MUC17: variants seen among roughly 807,000 people sequenced by gnomAD.
MUC17 encodes the protein mucin 17, cell surface associated, also known as mucin-17.
A neutral mutation model predicts 170.3 loss-of-function variants in MUC17; 190 were observed. That is an observed-to-expected ratio of 1.12 (90% confidence interval 0.99 to 1.26). The LOEUF (loss-of-function observed/expected upper bound fraction) is 1.26. MUC17 is among the 50% of genes most tolerant of loss of function. The pLI, the probability that MUC17 is intolerant of heterozygous loss-of-function variation, is 0.00. For missense variants in MUC17, 6,415 were observed against 5,530.0 expected (o/e 1.16, Z -5.08); for synonymous variants, 2,325 against 2,002.5 (o/e 1.16, Z -4.30).
chr7:101,021,866 G>T (rs1207904951), intron 1 of MUC17, among the ~76,000 whole-genome samples: 1 of 152,212 alleles, frequency 6.6e-6, no homozygotes, highest in African/African-American at 2.4e-5. Flanking sequence ...TGGGTCTAGA[G>T]AGAGAGCTGC....
At chr7:101,044,131 G>C (rs1160017700) in intron 3 of MUC17, among the ~76,000 whole-genome samples, 1 of 152,118 alleles carries the variant, frequency 6.6e-6, no homozygotes, top group African/African-American at 2.4e-5. Context: ...CAGAATGATG[G>C]TTTCCAGCTT....
intron 9 of MUC17, 103 bp downstream of exon 9, chr7:101,052,065 A>T: frequency 7.3e-7 from 1 of 1,368,678 alleles, no homozygotes; most frequent in African/African-American, 1.4e-5. Flanking sequence ...AGGTCATGGG[A>T]CTAGGTCCCA....
rs763708617 is a variant in MUC17 at position 101,037,529 on chromosome 7, C to T, written c.6113C>T (p.Thr2038Ile). The change falls in exon 3 of 13, where the codon ACT (threonine) becomes ATT (isoleucine). Residue 2038 changes from threonine (T) to isoleucine (I), a missense_variant. Transcript: ENST00000306151. ...TAGGTSIQTSTPSERTTPLAG... is the reference protein window; with the variant it reads ...TAGGTSIQTSIPSERTTPLAG... ...GGAGGTACCAGCATACAAACCTCAA[C>T]TCCTAGTGAACGGACCACTCCATTA... 5.0e-6 allele frequency: 8 copies of T among 1,613,872 alleles called. No homozygotes were observed. The highest frequency in any genetic ancestry group is 2.2e-5 in the East Asian group (1 of 44,890).
chr7:101,055,299 T>G (rs193295737), intron 11 of MUC17, among the ~76,000 whole-genome samples: 1 of 151,930 alleles, frequency 6.6e-6, no homozygotes, highest in East Asian at 1.9e-4. Context: ...AGGTACATGT[T>G]AAATAGAAAC....
chr7:101,056,663 A>C (rs1214675595), intron 12 of MUC17, among the ~76,000 whole-genome samples: 1 of 152,164 alleles, frequency 6.6e-6, no homozygotes, highest in African/African-American at 2.4e-5. Flanking sequence ...CTTTGTATTG[A>C]TCTATTCACT....
chr7:101,036,569 G>A lies in MUC17; in HGVS notation c.5153G>A (p.Ser1718Asn), dbSNP rs765912344. 8 of 1,612,980 alleles carry A rather than the reference G, an allele frequency of 5.0e-6. No individual in the cohort carries two copies. The highest frequency in any genetic ancestry group is 1.7e-5 in the Admixed American group (1 of 59,940). The change falls in exon 3 of 13, where the codon AGC becomes AAC. Residue 1718 changes from serine (S) to asparagine (N), a missense_variant. Physicochemically the swap from Ser to Asn is conservative, Grantham distance 46. Coordinates refer to ENST00000306151, the MANE Select transcript of MUC17 (RefSeq NM_001040105.2). Reference sequence around the variant, plus strand: ...CTTTCAACAACTCCCGTTGACAACAGCACACCTGTGACCACTTCTACTGAA... The same window carrying A: ...CTTTCAACAACTCCCGTTGACAACAACACACCTGTGACCACTTCTACTGAA... ...STLSTTPVDN[S>N]TPVTTSTEAR...
In MUC17 at chr7:101,039,107, T is replaced by G; in HGVS notation, c.7691T>G (p.Met2564Arg). The G allele has an allele frequency of 6.2e-7, 1 of 1,613,770 alleles. No individual in the cohort carries two copies. The highest frequency in any genetic ancestry group is 8.5e-7 in the Non-Finnish European group (1 of 1,179,924). The change falls in exon 3 of 13, where the codon ATG (methionine) becomes AGG (arginine). Residue 2564 changes from methionine to arginine, a missense_variant. Met to Arg is a moderately conservative substitution (Grantham distance 91). Transcript: ENST00000306151. ...GCTACATCCGCTGAAGGTACCAGCA[T>G]GCCTACCTCAACTTATAGTGAAGGA... The part of the protein sequence containing the change: ...SSATSAEGTS[M>R]PTSTYSEGST...
In MUC17 at chr7:101,037,604, C is replaced by T; in HGVS notation, c.6188C>T (p.Thr2063Ile). The change falls in exon 3 of 13, where the codon ACC becomes ATC. Residue 2063 changes from threonine to isoleucine, a missense_variant. Transcript: ENST00000306151. ...CTTGTGGTCAGTTCTGAGGGTAACA[C>T]CCTTTCAACAACTCCTGTTGACTCC... ...TTLVVSSEGNTLSTTPVDSKT... is the reference protein window; with the variant it reads ...TTLVVSSEGNILSTTPVDSKT... 7 of 1,613,924 alleles carry T rather than the reference C, an allele frequency of 4.3e-6. No homozygotes were observed. The highest frequency in any genetic ancestry group is 1.1e-5 in the South Asian group (1 of 91,052).
At chr7:101,028,703 C>A (rs1351458146) in intron 1 of MUC17, among the ~76,000 whole-genome samples, 3 of 151,072 alleles carry the variant, frequency 2.0e-5, no homozygotes, top group African/African-American at 4.9e-5. Context: ...CATAGTGAGA[C>A]CCCTGTCTCT....
chr7:101,042,474 C>G lies in MUC17; in HGVS notation c.11058C>G (p.Ile3686Met), dbSNP rs1250723225. 1 of 1,612,750 alleles carries G rather than the reference C, an allele frequency of 6.2e-7. No individual in the cohort carries two copies. Among genetic ancestry groups the G allele is most frequent in the Non-Finnish European group, 8.5e-7 (1 of 1,179,634 alleles). ...CTCCTGAAGGTACCACCATGCCAAT[C>G]TGGACGCCTAGTGAAGGAAGCACTC... ...PVTPEGTTMP[I>M]WTPSEGSTPL... The change falls in exon 3 of 13, where the codon ATC becomes ATG. Residue 3686 changes from isoleucine (I) to methionine (M), a missense_variant. Physicochemically the swap from Ile to Met is conservative, Grantham distance 10 (BLOSUM62 1). Coordinates refer to ENST00000306151, the MANE Select transcript of MUC17 (RefSeq NM_001040105.2).
chr7:101,033,439 G>A lies in MUC17; in HGVS notation c.2023G>A (p.Gly675Ser), dbSNP rs748010706. The change falls in exon 3 of 13, where the codon GGT becomes AGT. Residue 675 changes from glycine to serine, a missense_variant. Gly to Ser is a moderately conservative substitution (Grantham distance 56). Coordinates refer to ENST00000306151, the MANE Select transcript of MUC17 (RefSeq NM_001040105.2). ...CACTTCATCTTCTACAACTGCGGAA[G>A]GTACCAGCATGCCAACCTCAACTTA... ...EATSSSTTAE[G>S]TSMPTSTYTE... 1 of 1,613,342 alleles carries A rather than the reference G, an allele frequency of 6.2e-7. No individual in the cohort carries two copies. Among genetic ancestry groups the A allele is most frequent in the South Asian group, 1.1e-5 (1 of 90,958 alleles).
rs924071363 is a variant in MUC17, at chr7:101,043,545, T to C, written c.12129T>C (p.Arg4043=). The C allele has an allele frequency of 2.5e-6, 4 of 1,614,056 alleles. No homozygotes were observed. In the African/African-American group the frequency reaches 4.0e-5, roughly 16 times the overall value. The change falls in exon 3 of 13, where the codon CGT becomes CGC. Residue 4043 remains arginine (R), a synonymous_variant. Coordinates refer to ENST00000306151, the MANE Select transcript of MUC17 (RefSeq NM_001040105.2). ...TPHTSTSVTT[R]PVTPSSESSR... Reference sequence around the variant, plus strand: ...ACACCTCTACTTCTGTCACCACCCGTCCTGTGACCCCTTCATCAGAATCCA... The same window carrying C: ...ACACCTCTACTTCTGTCACCACCCGCCCTGTGACCCCTTCATCAGAATCCA...
In MUC17 at chr7:101,040,703, C is replaced by A; in HGVS notation, c.9287C>A (p.Pro3096Gln). The A allele has an allele frequency of 6.2e-7, 1 of 1,613,332 alleles. No homozygotes were observed. Among genetic ancestry groups the A allele is most frequent in the Non-Finnish European group, 8.5e-7 (1 of 1,179,822 alleles). ...SPTPAEGTSM[P>Q]ISTYSEGSTP... ...ACACCTGCTGAAGGTACCAGCATGC[C>A]AATCTCAACTTATAGTGAAGGAAGC... The change falls in exon 3 of 13, where the codon CCA becomes CAA. Residue 3096 changes from proline to glutamine, a missense_variant. By Grantham distance (76) the Pro-to-Gln change is moderately conservative. Coordinates refer to ENST00000306151, the MANE Select transcript of MUC17 (RefSeq NM_001040105.2).
At chr7:101,021,027 A>G (rs928634936) in intron 1 of MUC17, among the ~76,000 whole-genome samples, 2 of 152,222 alleles carry the variant, frequency 1.3e-5, no homozygotes, top group African/African-American at 2.4e-5. Context: ...CCCTGTGGCA[A>G]TCTCACCCAG....
Position 101,038,803 on chromosome 7 carries a change from G to C in MUC17, c.7387G>C (p.Val2463Leu). The C allele has an allele frequency of 1.2e-6, 2 of 1,612,678 alleles. No individual in the cohort carries two copies. The highest frequency in any genetic ancestry group is 1.7e-6 in the Non-Finnish European group (2 of 1,179,416). ...EGTTPLASMP[V>L]STTPVVSSEA... Reference sequence around the variant, plus strand: ...AACCACTCCGTTAGCAAGTATGCCTGTCAGCACCACGCCGGTGGTCAGTTC... The same window carrying C: ...AACCACTCCGTTAGCAAGTATGCCTCTCAGCACCACGCCGGTGGTCAGTTC... Residue 2463 changes from valine to leucine, a missense_variant, in exon 3 of 13, where the codon GTC becomes CTC. Physicochemically the swap from Val to Leu is conservative, Grantham distance 32. Transcript: ENST00000306151.
intron 1 of MUC17, among the ~76,000 whole-genome samples, chr7:101,028,154 C>T (rs11764627): frequency 0.15 from 23,072 of 148,896 alleles, 2,050 homozygotes; most frequent in South Asian, 0.28. Context: ...TGCAGTGGCA[C>T]GATCTTGGCT....
Position 101,037,228 on chromosome 7 carries a change from G to C in MUC17, c.5812G>C (p.Val1938Leu). 6.2e-7 allele frequency: 1 copy of C among 1,611,844 alleles called. No individual in the cohort carries two copies. The highest frequency in any genetic ancestry group is 8.5e-7 in the Non-Finnish European group (1 of 1,178,696). ...AAGTATACCTGTCAGCACCACAACA[G>C]TGGCCAGTTCTGAAATCAACACCCT... ...LTSIPVSTTT[V>L]ASSEINTLST... The change falls in exon 3 of 13, where the codon GTG (valine) becomes CTG (leucine). Residue 1938 changes from valine (V) to leucine (L), a missense_variant. Val to Leu is a conservative substitution (Grantham distance 32, BLOSUM62 1). Transcript: ENST00000306151.
Position 101,040,322 on chromosome 7 carries a change from C to T in MUC17, c.8906C>T (p.Pro2969Leu), listed in dbSNP as rs1187193377. Residue 2969 changes from proline (P) to leucine (L), a missense_variant, in exon 3 of 13, where the codon CCT becomes CTT. Coordinates refer to ENST00000306151, the MANE Select transcript of MUC17 (RefSeq NM_001040105.2). ...VTTSAEASSS[P>L]TTAEGTSMPI... ...ACTTCTGCTGAAGCTAGTTCTTCTCCTACAACTGCTGAAGGTACCAGCATG... is the reference window on the plus strand; with the variant it reads ...ACTTCTGCTGAAGCTAGTTCTTCTCTTACAACTGCTGAAGGTACCAGCATG... The T allele has an allele frequency of 2.5e-6, 4 of 1,612,664 alleles. No homozygotes were observed. The highest frequency in any genetic ancestry group is 3.4e-6 in the Non-Finnish European group (4 of 1,179,390).
intron 2 of MUC17, 57 bp from the exon 3 acceptor site, chr7:101,031,544 C>A: frequency 6.8e-7 from 1 of 1,481,222 alleles, no homozygotes; most frequent in Non-Finnish European, 9.0e-7. Context: ...AACAATCACT[C>A]CTGACATACA....
Sources: gnomAD v4.1 joint callset for allele counts (sites outside exome capture counted in the v4.1 genomes callset) on GRCh38, gnomAD v4.1.1 for gene constraint, MANE v1.5 for transcripts, NCBI Gene and HGNC (gene_info 2026-07-23, HGNC 2026-07-21) for gene names.